Variants in PAPSS1 observed in about 807,000 individuals in gnomAD.
The protein encoded by PAPSS1 is bifunctional 3'-phosphoadenosine 5'-phosphosulfate synthase 1.
PAPSS1 carries 50 observed loss-of-function variants against 72.0 expected under a neutral mutation model. The ratio of observed to expected loss-of-function variants is 0.69; its 90% CI spans 0.55 to 0.88. PAPSS1 has a LOEUF of 0.88. Among genes scored for constraint, PAPSS1 ranks in the 40% least tolerant of loss-of-function variants. The pLI, the probability that PAPSS1 is intolerant of heterozygous loss-of-function variation, is 0.00. For missense variants in PAPSS1, 657 were observed against 782.2 expected (o/e 0.84, Z 1.91); for synonymous variants, 261 against 263.6 (o/e 0.99, Z 0.09).
At chr4:107,704,202 G>C (rs1195575089) in intron 1 of PAPSS1, among the ~76,000 whole-genome samples, 2 of 152,108 alleles carry the variant, frequency 1.3e-5, no homozygotes, top group Non-Finnish European at 2.9e-5. Context: ...TTTGTATTCT[G>C]CAACTTTACT....
intron 1 of PAPSS1, among the ~76,000 whole-genome samples, chr4:107,707,462 G>A (rs897360675): frequency 1.3e-5 from 2 of 152,142 alleles, no homozygotes; most frequent in Admixed American, 6.5e-5. Context: ...AGGCTTGGAC[G>A]CTCAATCCAT....
chr4:107,719,187 G>GTTTTTTTT (rs9307313), intron 1 of PAPSS1, among the ~76,000 whole-genome samples: 18 of 146,440 alleles, frequency 1.2e-4, no homozygotes, highest in Admixed American at 4.8e-4. Context: ...GAAATTGCTT[G>GTTTTTTTT]TTTTTTTTTT....
chr4:107,645,099 T>C (rs1406093443), intron 9 of PAPSS1, 29 bp from the exon 10 acceptor site: 7 of 1,465,004 alleles, frequency 4.8e-6, no homozygotes, highest in African/African-American at 2.8e-5. Flanking sequence ...GAGTTAAGAA[T>C]AGCATGTTTC....
chr4:107,672,054 T>C (rs949399427), intron 5 of PAPSS1, among the ~76,000 whole-genome samples: 1 of 152,144 alleles, frequency 6.6e-6, no homozygotes, highest in Non-Finnish European at 1.5e-5. Flanking sequence ...ATACTAGAAC[T>C]ATAGTTCCAA....
rs1007716131 is a variant in PAPSS1 at position 107,638,325 on chromosome 4, G to T, written c.1507-6465C>A. Reference sequence around the variant, plus strand: ...GAGCTGAAAGGCAGTCTACATCATGGAGTCTGAATTCTTCATTTCGTATAT... The same window carrying T: ...GAGCTGAAAGGCAGTCTACATCATGTAGTCTGAATTCTTCATTTCGTATAT... On this transcript the variant is annotated intron_variant, in intron 10 of 11. Coordinates refer to ENST00000265174, the MANE Select transcript of PAPSS1 (RefSeq NM_005443.5). Among the ~76,000 whole-genome samples, 3 of 152,206 alleles carry T rather than the reference G, an allele frequency of 2.0e-5. No individual in the cohort carries two copies. In the South Asian group the frequency reaches 6.2e-4, roughly 32 times the overall value.
At chr4:107,691,213 T>G (rs1202780450) in intron 3 of PAPSS1, among the ~76,000 whole-genome samples, 2 of 152,170 alleles carry the variant, frequency 1.3e-5, no homozygotes, top group Non-Finnish European at 2.9e-5. Context: ...CCATCAAAAT[T>G]TATGATACAG....
In PAPSS1 at chr4:107,671,305, G is replaced by GA. The variant is rs113167561; in HGVS notation, c.669+10709dup. On this transcript the variant is annotated intron_variant, in intron 5 of 11. Coordinates refer to ENST00000265174, the MANE Select transcript of PAPSS1 (RefSeq NM_005443.5). ...ACTTAAAATTATCTTCCTCCCTGAA[G>GA]AAAAAAAAAGAGCCTACACGTAGGA... is the stretch of plus-strand genomic sequence containing the variant. 7.1e-3 allele frequency among the ~76,000 whole-genome samples: 989 copies of GA among 138,332 alleles called. 11 individuals carry two copies. The highest frequency in any genetic ancestry group is 0.023 in the African/African-American group (877 of 37,742). 90.8% of individuals were successfully genotyped at this position (138,332 alleles called of 152,430 possible).
intron 2 of PAPSS1, among the ~76,000 whole-genome samples, chr4:107,699,543 G>A: frequency 6.6e-6 from 1 of 151,834 alleles, no homozygotes; most frequent in African/African-American, 2.4e-5. Context: ...TATCCACATG[G>A]AAAAAAACGA....
At chr4:107,660,431 A>C (rs1727146488) in intron 5 of PAPSS1, among the ~76,000 whole-genome samples, 1 of 152,224 alleles carries the variant, frequency 6.6e-6, no homozygotes, top group African/African-American at 2.4e-5. Flanking sequence ...TATCTTTACC[A>C]TATCACGAAA....
chr4:107,625,756 G>A lies in PAPSS1; in HGVS notation c.1736+5875C>T, dbSNP rs114194208. The stretch of plus-strand genomic sequence containing the variant: ...TACAACTGGGAAACACTGATGTACA[G>A]GTTTAAAAATCACCCCCACAGAAAC... On this transcript the variant is annotated intron_variant, in intron 11 of 11. Transcript: ENST00000265174. Among the ~76,000 whole-genome samples the A allele has an allele frequency of 5.2e-3, 798 of 152,226 alleles. 8 individuals are homozygous for A. The highest frequency in any genetic ancestry group is 0.019 in the African/African-American group (776 of 41,510).
intron 8 of PAPSS1, 64 bp downstream of exon 8, chr4:107,654,631 C>T (rs912561303): frequency 6.7e-5 from 88 of 1,307,966 alleles, no homozygotes; most frequent in Non-Finnish European, 9.5e-5. Context: ...ACAGAAAATG[C>T]CCACATTTCA....
chr4:107,683,747 T>C (rs1183358021), intron 4 of PAPSS1, among the ~76,000 whole-genome samples: 1 of 152,176 alleles, frequency 6.6e-6, no homozygotes, highest in African/African-American at 2.4e-5. Context: ...ATACTGACTG[T>C]CCGATAAATG....
intron 11 of PAPSS1, among the ~76,000 whole-genome samples, chr4:107,623,452 G>C (rs1013818631): frequency 1.3e-5 from 2 of 152,206 alleles, no homozygotes; most frequent in Non-Finnish European, 2.9e-5. Flanking sequence ...TTAGAGGCCT[G>C]CCTACTTAAG....
intron 5 of PAPSS1, among the ~76,000 whole-genome samples, chr4:107,674,529 AAAGT>A (rs1477548952): frequency 2.0e-5 from 3 of 152,220 alleles, no homozygotes; most frequent in Admixed American, 6.5e-5. Flanking sequence ...CCAGATTCAT[AAAGT>A]AAGTCCTTAG....
chr4:107,678,093 G>A (rs990441098), intron 5 of PAPSS1, among the ~76,000 whole-genome samples: 4 of 151,956 alleles, frequency 2.6e-5, no homozygotes, highest in African/African-American at 4.8e-5. Flanking sequence ...GTTAAATGAC[G>A]AGTTAATGAC....
intron 10 of PAPSS1, among the ~76,000 whole-genome samples, chr4:107,632,918 C>A (rs189753350): frequency 8.3e-4 from 126 of 152,296 alleles, no homozygotes; most frequent in Non-Finnish European, 1.0e-4. Context: ...TTCATTTTCT[C>A]TCTCCTGGTA....
chr4:107,679,046 T>A (rs1727733822), intron 5 of PAPSS1, among the ~76,000 whole-genome samples: 1 of 151,318 alleles, frequency 6.6e-6, no homozygotes, highest in Non-Finnish European at 1.5e-5. Context: ...AAAAGAAAAC[T>A]CCCCTCCAAG....
At chr4:107,717,587 G>T (rs1723671236) in intron 1 of PAPSS1, among the ~76,000 whole-genome samples, 1 of 152,170 alleles carries the variant, frequency 6.6e-6, no homozygotes, top group African/African-American at 2.4e-5. Flanking sequence ...CAGCTCCAGG[G>T]TCCTGCTTTT....
chr4:107,691,000 CTTA>C (rs917575092), intron 3 of PAPSS1, among the ~76,000 whole-genome samples: 2 of 152,054 alleles, frequency 1.3e-5, no homozygotes, highest in African/African-American at 4.8e-5. Context: ...AACTCTAACT[CTTA>C]TTATGCTCCT....
Sources: allele counts gnomAD v4.1 joint callset (sites outside exome capture counted in the v4.1 genomes callset), GRCh38; gene constraint gnomAD v4.1.1; transcripts MANE v1.5; gene names NCBI Gene and HGNC (gene_info 2026-07-23, HGNC 2026-07-21).